The following IL12RB2 variants were observed in gnomAD, a reference collection of about 807,000 sequenced individuals.
IL12RB2 encodes interleukin-12 receptor subunit beta-2.
Under a neutral mutation model 89.4 loss-of-function variants are expected in IL12RB2, and 82 were observed. The observed-to-expected ratio is 0.92, with a 90% CI of 0.77 to 1.10. The LOEUF is 1.10. IL12RB2 is among the 50% of genes least tolerant of loss of function. The pLI is 0.00. For synonymous variants in IL12RB2, 368 were observed against 370.1 expected (o/e 0.99, Z 0.07); for missense variants, 963 against 1,031.9 (o/e 0.93, Z 0.92).
intron 9 of IL12RB2, among the ~76,000 whole-genome samples, chr1:67,339,617 G>A (rs1659298156): frequency 1.3e-5 from 2 of 152,074 alleles, no homozygotes; most frequent in South Asian, 2.1e-4. Context: ...CATAGAATGC[G>A]AAAGTTTCAC....
chr1:67,355,676 G>C (rs181252337), intron 10 of IL12RB2, among the ~76,000 whole-genome samples: 11 of 152,320 alleles, frequency 7.2e-5, no homozygotes, highest in African/African-American at 2.6e-4. Flanking sequence ...ACCCTTGGGT[G>C]AGCACTTTTT....
chr1:67,321,527 G>A, intron 3 of IL12RB2, 75 bp from the exon 4 acceptor site: 2 of 939,922 alleles, frequency 2.1e-6, no homozygotes. Context: ...CCTGTTTTGG[G>A]GAATTACATA....
chr1:67,341,379 A>G (rs1659505083), intron 9 of IL12RB2, among the ~76,000 whole-genome samples: 1 of 151,660 alleles, frequency 6.6e-6, no homozygotes, highest in Non-Finnish European at 1.5e-5. Context: ...AGATCGTGCC[A>G]TAGTACTCCA....
At chr1:67,322,879 T>C (rs1656763543) in intron 4 of IL12RB2, among the ~76,000 whole-genome samples, 1 of 152,158 alleles carries the variant, frequency 6.6e-6, no homozygotes, top group Admixed American at 6.6e-5. Flanking sequence ...TCGCAACCTG[T>C]GGCCCATAGC....
intron 8 of IL12RB2, among the ~76,000 whole-genome samples, chr1:67,331,665 C>T (rs1289970022): frequency 8.6e-5 from 13 of 151,986 alleles, no homozygotes; most frequent in Admixed American, 8.5e-4. Context: ...TGGTGAAATC[C>T]CATCTCTACC....
Position 67,396,005 on chromosome 1 carries a change from T to G in IL12RB2, c.2505T>G (p.Ser835Arg). The change falls in exon 17 of 17, where the codon AGT becomes AGG. Residue 835 changes from serine (S) to arginine (R), a missense_variant. Transcript: ENST00000674203. ...TCTCCCTTTCTGTTTTCCCCTCAAGTTCTCTTCACCCACTCACCTTCTCCT... is the reference window on the plus strand; with the variant it reads ...TCTCCCTTTCTGTTTTCCCCTCAAGGTCTCTTCACCCACTCACCTTCTCCT... ...QHISLSVFPS[S>R]SLHPLTFSCG... is the part of the protein sequence containing the mutation. 1 of 1,606,214 alleles carries G rather than the reference T, an allele frequency of 6.2e-7. No individual in the cohort carries two copies. Among genetic ancestry groups the G allele is most frequent in the South Asian group, 1.1e-5 (1 of 90,902 alleles).
intron 1 of IL12RB2, among the ~76,000 whole-genome samples, chr1:67,308,737 G>C (rs1654621199): frequency 6.6e-6 from 1 of 152,112 alleles, no homozygotes; most frequent in Admixed American, 6.5e-5. Flanking sequence ...CTAAGAACAG[G>C]GTCCCGGCAC....
chr1:67,358,682 AGAG>A (rs1661663499), intron 10 of IL12RB2, among the ~76,000 whole-genome samples: 1 of 152,158 alleles, frequency 6.6e-6, no homozygotes, highest in South Asian at 2.1e-4. Flanking sequence ...AGAGAGAGAG[AGAG>A]AAGATGCAAA....
intron 8 of IL12RB2, among the ~76,000 whole-genome samples, chr1:67,333,738 T>A (rs1484451956): frequency 6.6e-6 from 1 of 152,162 alleles, no homozygotes; most frequent in African/African-American, 2.4e-5. Flanking sequence ...AGCAGCCACA[T>A]TTTCCTTGTA....
intron 13 of IL12RB2, among the ~76,000 whole-genome samples, chr1:67,376,772 T>C (rs1291937453): frequency 6.6e-6 from 1 of 152,118 alleles, no homozygotes; most frequent in Non-Finnish European, 1.5e-5. Context: ...TCCCTTCCCT[T>C]CTGTTCCAAT....
intron 9 of IL12RB2, among the ~76,000 whole-genome samples, chr1:67,347,938 C>T (rs1259102417): frequency 6.6e-6 from 1 of 152,068 alleles, no homozygotes; most frequent in Non-Finnish European, 1.5e-5. Flanking sequence ...CCTTAATGTC[C>T]CCAAGCTTCA....
intron 9 of IL12RB2, among the ~76,000 whole-genome samples, chr1:67,340,119 G>A (rs532252336): frequency 9.2e-5 from 14 of 152,160 alleles, no homozygotes; most frequent in Non-Finnish European, 5.9e-5. Context: ...TTTAAGAAAT[G>A]AGTGATTTCT....
At chr1:67,317,480 C>A (rs1315123103) in intron 2 of IL12RB2, among the ~76,000 whole-genome samples, 2 of 152,196 alleles carry the variant, frequency 1.3e-5, no homozygotes, top group African/African-American at 4.8e-5. Flanking sequence ...CTTGGTACCT[C>A]ATATCTCTCT....
intron 2 of IL12RB2, 45 bp from the exon 3 acceptor site, chr1:67,320,288 T>C (rs1446849838): frequency 6.2e-7 from 1 of 1,611,266 alleles, no homozygotes; most frequent in African/African-American, 1.3e-5. Flanking sequence ...GCTCTGGTAT[T>C]TTCTGAACAT....
At chr1:67,341,702 T>TG (rs1459992119) in intron 9 of IL12RB2, among the ~76,000 whole-genome samples, 1 of 152,208 alleles carries the variant, frequency 6.6e-6, no homozygotes, top group Non-Finnish European at 1.5e-5. Context: ...CTCTCTAGTC[T>TG]AAGAGGCTCC....
intron 13 of IL12RB2, among the ~76,000 whole-genome samples, chr1:67,375,605 G>A (rs1663875940): frequency 6.6e-6 from 1 of 152,146 alleles, no homozygotes; most frequent in African/African-American, 2.4e-5. Context: ...TCTTACTGGT[G>A]TTTCAGCACC....
At chr1:67,308,383 C>G (rs1654561151) in intron 1 of IL12RB2, among the ~76,000 whole-genome samples, 1 of 151,930 alleles carries the variant, frequency 6.6e-6, no homozygotes, top group African/African-American at 2.4e-5. Context: ...ACGTGGCTCC[C>G]GTTGCTTGAA....
intron 13 of IL12RB2, among the ~76,000 whole-genome samples, chr1:67,373,566 A>C (rs529502736): frequency 2.6e-5 from 4 of 152,368 alleles, no homozygotes; most frequent in African/African-American, 9.6e-5. Flanking sequence ...TTATTCTATA[A>C]GTATAAAACT....
chr1:67,374,302 CT>C (rs1022681651), intron 13 of IL12RB2, among the ~76,000 whole-genome samples: 22 of 152,172 alleles, frequency 1.4e-4, no homozygotes, highest in African/African-American at 4.6e-4. Context: ...CTGCTTCCCC[CT>C]GGACTTGACC....
Sources: gnomAD v4.1 joint callset for allele counts (sites outside exome capture counted in the v4.1 genomes callset) on GRCh38, gnomAD v4.1.1 for gene constraint, MANE v1.5 for transcripts, NCBI Gene and HGNC (gene_info 2026-07-23, HGNC 2026-07-21) for gene names.